TRPM6: variants seen among roughly 807,000 people sequenced by gnomAD.
The protein encoded by TRPM6 is transient receptor potential cation channel subfamily M member 6.
A neutral mutation model predicts 247.6 loss-of-function variants in TRPM6; 111 were observed. That is an observed-to-expected ratio of 0.45 (90% confidence interval 0.38 to 0.52). The LOEUF is 0.52. Among genes scored for constraint, TRPM6 ranks in the 20% least tolerant of loss-of-function variants. TRPM6 has a pLI of 0.00. For missense variants in TRPM6, 2,126 were observed against 2,421.5 expected, an observed-to-expected ratio of 0.88 and a Z score of 2.56; for synonymous variants, 892 against 853.8, an observed-to-expected ratio of 1.04 and a Z score of -0.78.
chr9:74,846,824 C>T (rs1215236403), intron 3 of TRPM6, among the ~76,000 whole-genome samples: 2 of 152,190 alleles, frequency 1.3e-5, no homozygotes, highest in African/African-American at 4.8e-5. Context: ...GCTGGGATTA[C>T]AGTCGTGAGC....
intron 20 of TRPM6, among the ~76,000 whole-genome samples, chr9:74,786,585 A>C (rs2118947416): frequency 6.6e-6 from 1 of 152,000 alleles, no homozygotes; most frequent in South Asian, 2.1e-4. Flanking sequence ...CTAAAAATAC[A>C]AAAAATTAGC....
At position 74,812,453 on chromosome 9, in the gene TRPM6, G is replaced by A. The variant is rs756141446; in HGVS notation, c.1309-20C>T. 8.7e-6 allele frequency: 14 copies of A among 1,601,976 alleles called. No individual in the cohort carries two copies. Among genetic ancestry groups the A allele is most frequent in the Non-Finnish European group, 1.1e-5 (13 of 1,173,914 alleles). Reference sequence around the variant, plus strand: ...ATCAGGCTTCAGAAAGCACAAATAAGAAATATAAAGACAATTAAGAAAGTA... The same window carrying A: ...ATCAGGCTTCAGAAAGCACAAATAAAAAATATAAAGACAATTAAGAAAGTA... On this transcript the variant is annotated intron_variant, in intron 11 of 38. Coordinates refer to ENST00000360774, the MANE Select transcript of TRPM6 (RefSeq NM_017662.5).
chr9:74,729,248 G>A (rs555285353), intron 37 of TRPM6, among the ~76,000 whole-genome samples: 13 of 152,236 alleles, frequency 8.5e-5, no homozygotes, highest in East Asian at 3.9e-4. Context: ...TAAATACCAC[G>A]TCTTAAGAAA....
chr9:74,831,958 C>T (rs7867868), intron 6 of TRPM6, among the ~76,000 whole-genome samples: 45,468 of 151,926 alleles, frequency 0.3, 7,291 homozygotes, highest in Middle Eastern at 0.49. Context: ...AAACAAAGGA[C>T]ATTATAATTA....
In TRPM6 at chr9:74,728,108, A is replaced by T. The variant is rs561547081; in HGVS notation, c.5935+131T>A. ...AGAGACTTGAAAATTTTGCAGTCAG[A>T]GAGTCAGGCTCTGCGAATGACGGTG... is the stretch of plus-strand genomic sequence containing the variant. On this transcript the variant is annotated intron_variant, in intron 38 of 38. Coordinates refer to ENST00000360774, the MANE Select transcript of TRPM6 (RefSeq NM_017662.5). 216 of 790,406 alleles carry T rather than the reference A, an allele frequency of 2.7e-4. 3 individuals are homozygous for T. In the East Asian group the frequency reaches 5.8e-3, roughly 21 times the overall value. 49.0% of individuals were successfully genotyped at this position (790,406 alleles called of 1,614,324 possible).
intron 3 of TRPM6, among the ~76,000 whole-genome samples, chr9:74,854,376 T>C (rs1830458604): frequency 6.6e-6 from 1 of 152,216 alleles, no homozygotes; most frequent in Non-Finnish European, 1.5e-5. Flanking sequence ...AGGTCTTTTC[T>C]TTTTATTATA....
At chr9:74,742,970 C>T (rs1356860334) in intron 32 of TRPM6, among the ~76,000 whole-genome samples, 1 of 152,114 alleles carries the variant, frequency 6.6e-6, no homozygotes, top group Non-Finnish European at 1.5e-5. Flanking sequence ...TTTTCCTTTC[C>T]GAAGCAAATC....
At chr9:74,829,705 A>T (rs1394394888) in intron 6 of TRPM6, among the ~76,000 whole-genome samples, 1 of 152,226 alleles carries the variant, frequency 6.6e-6, no homozygotes, top group East Asian at 1.9e-4. Context: ...CCAAAAGGAA[A>T]ATAATTGAGA....
intron 15 of TRPM6, among the ~76,000 whole-genome samples, chr9:74,803,243 CAG>C (rs1828407595): frequency 6.6e-6 from 1 of 152,010 alleles, no homozygotes; most frequent in South Asian, 2.1e-4. Context: ...CATTTATTCT[CAG>C]AGTAAAGTGG....
chr9:74,748,661 A>G (rs1027285335), intron 30 of TRPM6, among the ~76,000 whole-genome samples: 1 of 152,240 alleles, frequency 6.6e-6, no homozygotes, highest in Non-Finnish European at 1.5e-5. Context: ...AAGGATATAA[A>G]GAAAGAACAT....
At chr9:74,805,917 C>T (rs1405505966) in intron 14 of TRPM6, among the ~76,000 whole-genome samples, 2 of 152,160 alleles carry the variant, frequency 1.3e-5, no homozygotes, top group Non-Finnish European at 2.9e-5. Context: ...AATTGAAACC[C>T]TCACAGCTGA....
chr9:74,826,496 A>G (rs988699322), intron 7 of TRPM6, among the ~76,000 whole-genome samples: 6 of 152,138 alleles, frequency 3.9e-5, no homozygotes, highest in Non-Finnish European at 7.4e-5. Flanking sequence ...CACAAGAGGC[A>G]GGGGTCGACT....
chr9:74,809,990 A>C (rs1261135694), intron 13 of TRPM6, among the ~76,000 whole-genome samples: 8 of 150,834 alleles, frequency 5.3e-5, no homozygotes, highest in Admixed American at 2.0e-4. Flanking sequence ...AAAAAAAAAA[A>C]AAAAAAAAAA....
intron 17 of TRPM6, among the ~76,000 whole-genome samples, chr9:74,797,987 A>G (rs1050663300): frequency 1.3e-5 from 2 of 152,256 alleles, no homozygotes; most frequent in East Asian, 3.8e-4. Context: ...GTATAGATCC[A>G]GACATCCACA....
At chr9:74,764,258 A>G (rs1826753919) in intron 25 of TRPM6, among the ~76,000 whole-genome samples, 1 of 152,208 alleles carries the variant, frequency 6.6e-6, no homozygotes, top group African/African-American at 2.4e-5. Flanking sequence ...TTGAAGCCTT[A>G]ACCCCAGAAC....
At chr9:74,766,409 G>A (rs1247747966) in intron 25 of TRPM6, among the ~76,000 whole-genome samples, 1 of 152,212 alleles carries the variant, frequency 6.6e-6, no homozygotes, top group African/African-American at 2.4e-5. Flanking sequence ...AGAAAGATGA[G>A]AATGGTAATT....
chr9:74,842,457 A>G, intron 3 of TRPM6, 114 bp from the exon 4 acceptor site: 3 of 1,061,594 alleles, frequency 2.8e-6, no homozygotes, highest in Non-Finnish European at 2.8e-6. Context: ...AAAACTTCAC[A>G]TTAAGGTTTA....
intron 17 of TRPM6, 132 bp from the exon 18 acceptor site, chr9:74,797,025 T>C: frequency 1.2e-6 from 1 of 837,540 alleles, no homozygotes; most frequent in Non-Finnish European, 1.9e-6. Context: ...CGCATTTCTA[T>C]AAATAATTTT....
intron 6 of TRPM6, among the ~76,000 whole-genome samples, chr9:74,831,935 C>T (rs898414611): frequency 6.6e-6 from 1 of 152,156 alleles, no homozygotes; most frequent in Non-Finnish European, 1.5e-5. Context: ...GTACATAGAG[C>T]ATGTAAACTA....
Sources: allele counts gnomAD v4.1 joint callset (sites outside exome capture counted in the v4.1 genomes callset), GRCh38; gene constraint gnomAD v4.1.1; transcripts MANE v1.5; gene names NCBI Gene and HGNC (gene_info 2026-07-23, HGNC 2026-07-21).